The following FER1L6 variants were observed in gnomAD, a reference collection of about 807,000 sequenced individuals.
The protein encoded by FER1L6 is fer-1 like family member 6.
A neutral mutation model predicts 219.2 loss-of-function variants in FER1L6; 177 were observed. The observed-to-expected ratio is 0.81, with a 90% CI of 0.71 to 0.91. The LOEUF is 0.91. FER1L6 is among the 40% of genes least tolerant of loss of function. FER1L6 has a pLI of 0.00. For synonymous variants in FER1L6, 768 were observed against 824.3 expected, an observed-to-expected ratio of 0.93 and a Z score of 1.17; for missense variants, 2,153 against 2,259.9, an observed-to-expected ratio of 0.95 and a Z score of 0.96.
intron 1 of FER1L6, among the ~76,000 whole-genome samples, chr8:123,936,395 A>G (rs1215463186): frequency 6.6e-6 from 1 of 151,058 alleles, no homozygotes. Context: ...TGCTGAGTTA[A>G]TTAAGACATT....
rs1010848405 is a variant in FER1L6 at position 124,021,559 on chromosome 8, T to C, written c.2023T>C (p.Cys675Arg). ...TCTTGTCTTGTTTTAGGAAGCAATGTGCAAGGAGGCCAAGGGGATCATTCA... is the reference window on the plus strand; with the variant it reads ...TCTTGTCTTGTTTTAGGAAGCAATGCGCAAGGAGGCCAAGGGGATCATTCA... ...TLCWQELEAM[C>R]KEAKGIIQQQ... Residue 675 changes from cysteine to arginine, a missense_variant, in exon 17 of 41, where the codon TGC becomes CGC. Coordinates refer to ENST00000522917, the MANE Select transcript of FER1L6 (RefSeq NM_001039112.2). 1 of 1,614,108 alleles carries C rather than the reference T, an allele frequency of 6.2e-7. No homozygotes were observed. Among genetic ancestry groups the C allele is most frequent in the East Asian group, 2.2e-5 (1 of 44,882 alleles).
intron 13 of FER1L6, among the ~76,000 whole-genome samples, chr8:124,005,454 G>A (rs998692413): frequency 4.6e-5 from 7 of 152,078 alleles, no homozygotes; most frequent in African/African-American, 1.4e-4. Context: ...TCTTCCTTAC[G>A]CCTGGCAATA....
At chr8:123,878,551 A>G (rs1267677285) in intron 1 of FER1L6, among the ~76,000 whole-genome samples, 1 of 152,178 alleles carries the variant, frequency 6.6e-6, no homozygotes, top group African/African-American at 2.4e-5. Context: ...CAGGAGAAGG[A>G]TTACCCTTAG....
At position 123,980,778 on chromosome 8, in the gene FER1L6, G is replaced by A. The variant is rs368417039; in HGVS notation, c.1377G>A (p.Glu459=). 1 of 1,614,030 alleles carries A rather than the reference G, an allele frequency of 6.2e-7. No individual in the cohort carries two copies. Among genetic ancestry groups the A allele is most frequent in the Non-Finnish European group, 8.5e-7 (1 of 1,179,988 alleles). The change falls in exon 11 of 41, where the codon GAG becomes GAA. Residue 459 remains glutamate, a synonymous_variant. Coordinates refer to ENST00000522917, the MANE Select transcript of FER1L6 (RefSeq NM_001039112.2). Reference sequence around the variant, plus strand: ...CTTCAAACAAAACTAACTCAACCGAGGTGGAGGTGGAATCGTTCGATGTCC... The same window carrying A: ...CTTCAAACAAAACTAACTCAACCGAAGTGGAGGTGGAATCGTTCGATGTCC... ...QQASNKTNST[E]VEVESFDVPP...
At chr8:123,896,088 T>C (rs994683249) in intron 1 of FER1L6, among the ~76,000 whole-genome samples, 1 of 152,130 alleles carries the variant, frequency 6.6e-6, no homozygotes, top group East Asian at 1.9e-4. Context: ...GAGCAAGTGC[T>C]GTCCGGGGAA....
At chr8:123,877,267 T>G (rs900253575) in intron 1 of FER1L6, among the ~76,000 whole-genome samples, 1 of 152,260 alleles carries the variant, frequency 6.6e-6, no homozygotes, top group South Asian at 2.1e-4. Flanking sequence ...ACTGTGAGGC[T>G]TCTTTTTGTT....
rs138883722 is a variant in FER1L6, at chr8:124,107,623, G to A, written c.5289+4314G>A. Among the ~76,000 whole-genome samples the A allele has an allele frequency of 6.5e-3, 983 of 152,270 alleles. 5 individuals carry two copies. Among genetic ancestry groups the A allele is most frequent in the Admixed American group, 0.012 (182 of 15,304 alleles). On this transcript the variant is annotated intron_variant, in intron 39 of 40. Coordinates refer to ENST00000522917, the MANE Select transcript of FER1L6 (RefSeq NM_001039112.2). ...TCCATGCTGTCCTTGCCTTGCCAGA[G>A]CCTAGGTATGTCAGGTTATTATAGT...
chr8:123,859,007 ATT>A (rs34978649), intron 1 of FER1L6, among the ~76,000 whole-genome samples: 20 of 150,438 alleles, frequency 1.3e-4, no homozygotes, highest in East Asian at 3.9e-4. Context: ...TCATTTATTC[ATT>A]TTTTTTTTTG....
chr8:124,079,836 A>C (rs574153832), intron 32 of FER1L6, among the ~76,000 whole-genome samples: 1 of 152,292 alleles, frequency 6.6e-6, no homozygotes, highest in South Asian at 2.1e-4. Context: ...AGTTCTGCAG[A>C]TCTGGAGCAG....
chr8:124,118,810 G>C, intron 39 of FER1L6, 34 bp from the exon 40 acceptor site: 1 of 1,601,578 alleles, frequency 6.2e-7, no homozygotes, highest in Non-Finnish European at 8.5e-7. Context: ...GGGTCTTTGT[G>C]ACTGGAAACA....
intron 39 of FER1L6, among the ~76,000 whole-genome samples, chr8:124,117,096 T>C (rs1211462323): frequency 1.3e-5 from 2 of 152,210 alleles, no homozygotes; most frequent in African/African-American, 2.4e-5. Flanking sequence ...ATTAGATGAA[T>C]AAGTTGGGAG....
chr8:123,886,621 A>G (rs1473572773), intron 1 of FER1L6, among the ~76,000 whole-genome samples: 1 of 152,238 alleles, frequency 6.6e-6, no homozygotes, highest in Admixed American at 6.5e-5. Context: ...AACACAAAAT[A>G]GTCTAAGACC....
intron 6 of FER1L6, among the ~76,000 whole-genome samples, chr8:123,972,504 T>C (rs897757695): frequency 6.6e-5 from 10 of 152,222 alleles, no homozygotes; most frequent in Non-Finnish European, 1.2e-4. Flanking sequence ...AGAATCCTTC[T>C]CCTCTTCCTT....
At chr8:123,955,225 C>T (rs964722215) in intron 1 of FER1L6, among the ~76,000 whole-genome samples, 3 of 152,106 alleles carry the variant, frequency 2.0e-5, no homozygotes, top group Admixed American at 1.3e-4. Flanking sequence ...GCTGAGATCG[C>T]GCCACTGTTC....
chr8:124,045,681 C>T (rs1399895521), intron 20 of FER1L6, 86 bp from the exon 21 acceptor site: 1 of 1,405,612 alleles, frequency 7.1e-7, no homozygotes, highest in African/African-American at 1.4e-5. Flanking sequence ...TTCTCTTTCC[C>T]CTGTATAAGT....
intron 22 of FER1L6, among the ~76,000 whole-genome samples, chr8:124,055,175 A>C (rs968819808): frequency 2.6e-5 from 4 of 152,168 alleles, no homozygotes; most frequent in African/African-American, 7.2e-5. Context: ...CTGGTGGTTC[A>C]CGCCTGTAAT....
chr8:123,854,367 C>T (rs1407188329), intron 1 of FER1L6, among the ~76,000 whole-genome samples: 3 of 152,184 alleles, frequency 2.0e-5, no homozygotes, highest in African/African-American at 7.2e-5. Flanking sequence ...ACCCAGATGT[C>T]TGCGTGTTCT....
At chr8:123,876,500 T>C (rs1817007012) in intron 1 of FER1L6, among the ~76,000 whole-genome samples, 1 of 152,126 alleles carries the variant, frequency 6.6e-6, no homozygotes, top group Non-Finnish European at 1.5e-5. Context: ...TTTTTGTTTT[T>C]TGTTTTGTAG....
intron 2 of FER1L6, 54 bp downstream of exon 2, chr8:123,956,128 A>T (rs1815007504): frequency 6.7e-7 from 1 of 1,486,304 alleles, no homozygotes. Flanking sequence ...TCGCAGAGTG[A>T]CCCCTCCGTG....
Sources: allele counts gnomAD v4.1 joint callset (sites outside exome capture counted in the v4.1 genomes callset), GRCh38; gene constraint gnomAD v4.1.1; transcripts MANE v1.5; gene names NCBI Gene and HGNC (gene_info 2026-07-23, HGNC 2026-07-21).